The following NLN variants were observed in gnomAD, a reference collection of about 807,000 sequenced individuals.
NLN encodes neurolysin, also known as neurolysin, mitochondrial.
Under a neutral mutation model 79.9 loss-of-function variants are expected in NLN, and 64 were observed. The ratio of observed to expected loss-of-function variants is 0.80; its 90% CI spans 0.65 to 0.99. NLN has a LOEUF of 0.99. NLN is among the 50% of genes least tolerant of loss of function. NLN has a pLI of 0.00. For synonymous variants in NLN, 267 were observed against 296.6 expected (o/e 0.90, Z 1.02); for missense variants, 835 against 858.7 (o/e 0.97, Z 0.34).
At position 65,825,746 on chromosome 5, in the gene NLN, A is replaced by G. The variant is rs1363818572; in HGVS notation, c.*2831A>G. The G allele has an allele frequency of 6.6e-6, 1 of 152,198 alleles. No individual in the cohort carries two copies. The highest frequency in any genetic ancestry group is 6.5e-5 in the Admixed American group (1 of 15,282). 9.4% of individuals were successfully genotyped at this position (152,198 alleles called of 1,614,324 possible). On this transcript the variant is annotated 3_prime_UTR_variant, in exon 13 of 13. Transcript: ENST00000380985. The stretch of plus-strand genomic sequence containing the variant: ...TGAGGAAATAGCTCTTCAAAGAAAA[A>G]TTACTGATATGATCATTGTACTTGT...
chr5:65,786,424 A>C (rs761637715), intron 7 of NLN, among the ~76,000 whole-genome samples: 2 of 152,224 alleles, frequency 1.3e-5, no homozygotes, highest in African/African-American at 2.4e-5. Flanking sequence ...ACTGTTATCT[A>C]GTAACTATAA....
intron 12 of NLN, among the ~76,000 whole-genome samples, chr5:65,814,885 C>T (rs1760634897): frequency 6.6e-6 from 1 of 151,798 alleles, no homozygotes; most frequent in East Asian, 1.9e-4. Context: ...ATATTTTATA[C>T]CATACAATAC....
chr5:65,811,121 A>G (rs1187869011), intron 11 of NLN, among the ~76,000 whole-genome samples: 2 of 152,186 alleles, frequency 1.3e-5, no homozygotes, highest in African/African-American at 4.8e-5. Context: ...TTGTATGTGT[A>G]TGTTTTAAGC....
At chr5:65,810,256 T>C in intron 11 of NLN, 91 bp downstream of exon 11, 1 of 1,109,220 alleles carries the variant, frequency 9.0e-7, no homozygotes, top group Non-Finnish European at 1.3e-6. Context: ...GTCAGACAGA[T>C]TACCTAATTG....
chr5:65,796,652 T>C (rs1216400389), intron 9 of NLN, among the ~76,000 whole-genome samples: 2 of 152,250 alleles, frequency 1.3e-5, no homozygotes, highest in Non-Finnish European at 2.9e-5. Context: ...TTTTAAGAAC[T>C]TTTAAGGTCA....
At chr5:65,740,168 G>T (rs192574619) in intron 1 of NLN, among the ~76,000 whole-genome samples, 125 of 152,242 alleles carry the variant, frequency 8.2e-4, no homozygotes, top group Middle Eastern at 6.8e-3. Context: ...ATAAAGAAAA[G>T]AAATTTATTA....
At chr5:65,806,981 A>G (rs979373667) in intron 9 of NLN, among the ~76,000 whole-genome samples, 4 of 152,142 alleles carry the variant, frequency 2.6e-5, no homozygotes, top group Non-Finnish European at 5.9e-5. Context: ...GTTTGAGACC[A>G]GCCTGGCCAA....
chr5:65,792,434 C>A lies in NLN; in HGVS notation c.1326-20C>A. 1 of 1,577,272 alleles carries A rather than the reference C, an allele frequency of 6.3e-7. No homozygotes were observed. Among genetic ancestry groups the A allele is most frequent in the Non-Finnish European group, 8.7e-7 (1 of 1,148,856 alleles). The stretch of plus-strand genomic sequence containing the variant: ...GAGGAGAATTTTCCTATGTTGCCAA[C>A]GCGTGTTTCTGGCTCCTAGGGAAGG... On this transcript the variant is annotated intron_variant, in intron 8 of 12. Coordinates refer to ENST00000380985, the MANE Select transcript of NLN (RefSeq NM_020726.5).
intron 4 of NLN, among the ~76,000 whole-genome samples, chr5:65,778,139 G>A (rs982424137): frequency 2.0e-5 from 3 of 152,104 alleles, no homozygotes; most frequent in East Asian, 3.8e-4. Context: ...TTTAAAACCA[G>A]CACCTTGGAA....
At chr5:65,740,278 T>C (rs547563998) in intron 1 of NLN, among the ~76,000 whole-genome samples, 2 of 152,228 alleles carry the variant, frequency 1.3e-5, no homozygotes, top group South Asian at 4.1e-4. Flanking sequence ...CATAACGCGG[T>C]GAGTGAGGCA....
chr5:65,736,137 C>T (rs1440550694), intron 1 of NLN, among the ~76,000 whole-genome samples: 1 of 152,104 alleles, frequency 6.6e-6, no homozygotes, highest in African/African-American at 2.4e-5. Flanking sequence ...CCAGAGATAA[C>T]CACAGTCTTG....
At chr5:65,801,404 G>T (rs149866204) in intron 9 of NLN, among the ~76,000 whole-genome samples, 283 of 152,324 alleles carry the variant, frequency 1.9e-3, no homozygotes, top group African/African-American at 6.6e-3. Context: ...CTGCTAGATT[G>T]TGAGTCTTAC....
intron 12 of NLN, among the ~76,000 whole-genome samples, chr5:65,816,526 C>T (rs1002846709): frequency 1.3e-5 from 2 of 148,578 alleles, no homozygotes; most frequent in African/African-American, 2.5e-5. Flanking sequence ...GTACCCCGAA[C>T]GTAAAAGTTA....
rs905015065 is a variant in NLN, at chr5:65,742,505, C to A, written c.42-16062C>A. ...TGCTAGAGGCTACTCAAAATAAAGG[C>A]CAGAATGTCTCCATATTTAGCGTAG... On this transcript the variant is annotated intron_variant, in intron 1 of 12. Coordinates refer to ENST00000380985, the MANE Select transcript of NLN (RefSeq NM_020726.5). 4.6e-5 allele frequency among the ~76,000 whole-genome samples: 7 copies of A among 152,134 alleles called. No individual in the cohort carries two copies. The East Asian group carries it at 5.8e-4, about 13-fold the overall frequency.
At chr5:65,811,390 T>C (rs1760541323) in intron 11 of NLN, among the ~76,000 whole-genome samples, 1 of 152,106 alleles carries the variant, frequency 6.6e-6, no homozygotes, top group Non-Finnish European at 1.5e-5. Flanking sequence ...GAAGGGACAT[T>C]TTTAGGCCTG....
chr5:65,800,582 TGGCGTGAACCCAGGA>T, intron 9 of NLN, among the ~76,000 whole-genome samples: 1 of 152,266 alleles, frequency 6.6e-6, no homozygotes, highest in South Asian at 2.1e-4. Flanking sequence ...GGCAGGAGAA[TGGCGTGAACCCAGGA>T]GGCGGAGCTT....
At chr5:65,805,845 G>T (rs1760400692) in intron 9 of NLN, among the ~76,000 whole-genome samples, 2 of 152,226 alleles carry the variant, frequency 1.3e-5, no homozygotes, top group South Asian at 4.1e-4. Context: ...AGATGTCAAT[G>T]CCTGGCTTGA....
intron 9 of NLN, among the ~76,000 whole-genome samples, chr5:65,797,704 T>A (rs959233504): frequency 1.3e-5 from 2 of 152,246 alleles, no homozygotes; most frequent in Non-Finnish European, 2.9e-5. Flanking sequence ...GTACGTGAAG[T>A]ATTCTTGAAA....
rs1759983125 is a variant in NLN, at chr5:65,788,389, T to C, written c.1230T>C (p.Asp410=). The change falls in exon 8 of 13, where the codon GAT becomes GAC. Residue 410 remains aspartate (D), a synonymous_variant. Transcript: ENST00000380985. ...LLGLSFEQMT[D]AHVWNKSVTL... is the part of the protein sequence containing the mutation. ...GACTTTCATTTGAACAAATGACAGA[T>C]GCTCATGTTTGGAACAAGAGTGTTA... 4 of 1,614,128 alleles carry C rather than the reference T, an allele frequency of 2.5e-6. No individual in the cohort carries two copies. Among genetic ancestry groups the C allele is most frequent in the Non-Finnish European group, 3.4e-6 (4 of 1,179,960 alleles).
Sources: gnomAD v4.1 joint callset for allele counts (sites outside exome capture counted in the v4.1 genomes callset) on GRCh38, gnomAD v4.1.1 for gene constraint, MANE v1.5 for transcripts, NCBI Gene and HGNC (gene_info 2026-07-23, HGNC 2026-07-21) for gene names.